Variants in ABTB3 observed in about 807,000 individuals in gnomAD.
ABTB3 encodes the protein ankyrin repeat- and BTB/POZ domain-containing protein 3.
chr12:107,411,801 G>A, the ABTB3 span, among the ~76,000 whole-genome samples: 1 of 152,128 alleles, frequency 6.6e-6, no homozygotes, highest in Non-Finnish European at 1.5e-5. Context: ...TCTATACCCT[G>A]TGAGCTCTCC....
At chr12:107,538,978 A>G in the ABTB3 span, among the ~76,000 whole-genome samples, 1 of 152,218 alleles carries the variant, frequency 6.6e-6, no homozygotes, top group African/African-American at 2.4e-5. Flanking sequence ...TCATAGTGAC[A>G]AAGAACACAA....
chr12:107,611,079 C>T, the ABTB3 span, among the ~76,000 whole-genome samples: 161 of 152,254 alleles, frequency 1.1e-3, no homozygotes, highest in African/African-American at 3.5e-3. Flanking sequence ...TTGAGCAACA[C>T]CAAGGAGCTC....
chr12:107,472,956 G>A, the ABTB3 span, among the ~76,000 whole-genome samples: 584 of 152,238 alleles, frequency 3.8e-3, 2 homozygotes, highest in Middle Eastern at 0.01. Flanking sequence ...CCCACCAGGC[G>A]ACAGAAGCTG....
the ABTB3 span, among the ~76,000 whole-genome samples, chr12:107,554,115 CAG>C: frequency 6.6e-6 from 1 of 152,164 alleles, no homozygotes; most frequent in Non-Finnish European, 1.5e-5. Flanking sequence ...ACTTTACATA[CAG>C]AGTTTAATTT....
the ABTB3 span, among the ~76,000 whole-genome samples, chr12:107,433,296 CAAAAAAAAAAAAAAA>C: frequency 1.3e-4 from 3 of 23,110 alleles, no homozygotes; most frequent in South Asian, 5.1e-3. Context: ...GACTCCGTCT[CAAAAAAAAAAAAAAA>C]AAAAAAAAAA....
At chr12:107,615,000 A>C in the ABTB3 span, 1 of 1,451,618 alleles carries the variant, frequency 6.9e-7, no homozygotes, top group Non-Finnish European at 9.6e-7. Flanking sequence ...AGATACGTCA[A>C]ATTTGCTAGC....
the ABTB3 span, among the ~76,000 whole-genome samples, chr12:107,533,669 A>G: frequency 1.3e-5 from 2 of 152,238 alleles, no homozygotes; most frequent in Non-Finnish European, 2.9e-5. Flanking sequence ...CTGCAATACA[A>G]TAATAGTAGG....
the ABTB3 span, among the ~76,000 whole-genome samples, chr12:107,547,721 T>C: frequency 6.6e-6 from 1 of 152,200 alleles, no homozygotes; most frequent in Non-Finnish European, 1.5e-5. Context: ...CCTTTAAATT[T>C]GAATCCCAGC....
chr12:107,590,844 A>G, the ABTB3 span, among the ~76,000 whole-genome samples: 4 of 152,122 alleles, frequency 2.6e-5, no homozygotes, highest in African/African-American at 9.7e-5. Flanking sequence ...TATTGATTAT[A>G]TATTGATTTA....
At chr12:107,414,306 T>C in the ABTB3 span, among the ~76,000 whole-genome samples, 1 of 152,062 alleles carries the variant, frequency 6.6e-6, no homozygotes, top group East Asian at 1.9e-4. Flanking sequence ...GAGATGTTAG[T>C]GCCATTCTAC....
At chr12:107,340,901 G>A in the ABTB3 span, among the ~76,000 whole-genome samples, 1 of 152,210 alleles carries the variant, frequency 6.6e-6, no homozygotes, top group African/African-American at 2.4e-5. Context: ...GAAGGGCGGT[G>A]CTGAGTGCCC....
the ABTB3 span, chr12:107,580,541 C>A: frequency 1.2e-5 from 2 of 173,068 alleles, no homozygotes; most frequent in African/African-American, 4.7e-5. Flanking sequence ...GCTGCCCAGC[C>A]AGCCTGGGTC....
At chr12:107,581,324 G>A in the ABTB3 span, 3 of 1,310,044 alleles carry the variant, frequency 2.3e-6, no homozygotes, top group Admixed American at 4.2e-5. Flanking sequence ...GGGGCGGGCG[G>A]GGGGCGGCAG....
the ABTB3 span, among the ~76,000 whole-genome samples, chr12:107,470,566 G>A: frequency 6.6e-6 from 1 of 152,178 alleles, no homozygotes; most frequent in African/African-American, 2.4e-5. Context: ...TGCAGCCACA[G>A]GAACCAGCAT....
At chr12:107,369,705 T>A in the ABTB3 span, among the ~76,000 whole-genome samples, 1 of 86,550 alleles carries the variant, frequency 1.2e-5, no homozygotes, top group East Asian at 3.3e-4. Flanking sequence ...AGCCCAAACA[T>A]GGTTTTTTTT....
chr12:107,618,483 C>T, the ABTB3 span: 13 of 926,678 alleles, frequency 1.4e-5, 1 homozygote, highest in Non-Finnish European at 1.9e-5. Flanking sequence ...GCAAAACACG[C>T]ACATGCACAC....
At chr12:107,547,044 A>C in the ABTB3 span, among the ~76,000 whole-genome samples, 1 of 152,074 alleles carries the variant, frequency 6.6e-6, no homozygotes, top group Admixed American at 6.5e-5. Flanking sequence ...AAGTACAAAA[A>C]TTAGCTGGGT....
chr12:107,635,239 C>T, the ABTB3 span: 1 of 1,557,286 alleles, frequency 6.4e-7, no homozygotes, highest in Non-Finnish European at 8.8e-7. Context: ...TTGACTGAGG[C>T]TGGCCACAGC....
At chr12:107,575,157 A>G in the ABTB3 span, among the ~76,000 whole-genome samples, 1 of 152,254 alleles carries the variant, frequency 6.6e-6, no homozygotes, top group Non-Finnish European at 1.5e-5. Context: ...GAAACACTCA[A>G]CAAATAACAA....
Sources: gnomAD v4.1 joint callset for allele counts (sites outside exome capture counted in the v4.1 genomes callset) on GRCh38, gnomAD v4.1.1 for gene constraint, MANE v1.5 for transcripts, NCBI Gene and HGNC (gene_info 2026-07-23, HGNC 2026-07-21) for gene names.